Variants in CNTN5 observed in about 807,000 individuals in gnomAD.
CNTN5 encodes contactin-5.
Under a neutral mutation model 129.1 loss-of-function variants are expected in CNTN5, and 77 were observed. The observed-to-expected ratio is 0.60, with a 90% confidence interval of 0.50 to 0.72. CNTN5 has a LOEUF of 0.72. Among genes scored for constraint, CNTN5 ranks in the 30% least tolerant of loss-of-function variants. The probability of loss-of-function intolerance (pLI) is 0.00; values close to 1 mark genes in which losing one functional copy is unlikely to be tolerated. For synonymous variants in CNTN5, 509 were observed against 465.6 expected (o/e 1.09, Z -1.20); for missense variants, 1,478 against 1,328.8 (o/e 1.11, Z -1.75).
chr11:100,201,320 T>A (rs1412767533), intron 15 of CNTN5, among the ~76,000 whole-genome samples: 1 of 151,608 alleles, frequency 6.6e-6, no homozygotes, highest in African/African-American at 2.4e-5. Flanking sequence ...CCCTTTCCAA[T>A]CTGACAGAAA....
chr11:99,473,819 T>C (rs182277568), intron 2 of CNTN5, among the ~76,000 whole-genome samples: 1 of 152,056 alleles, frequency 6.6e-6, no homozygotes, highest in Admixed American at 6.6e-5. Context: ...ATATAATATA[T>C]ATGAAACTGC....
At chr11:99,956,439 A>G (rs2136168909) in intron 7 of CNTN5, among the ~76,000 whole-genome samples, 1 of 152,228 alleles carries the variant, frequency 6.6e-6, no homozygotes, top group South Asian at 2.1e-4. Flanking sequence ...TTCTTATTCT[A>G]CATTGTTTCA....
At position 99,561,864 on chromosome 11, in the gene CNTN5, A is replaced by T. The variant is rs529491623; in HGVS notation, c.55+5595A>T. Among the ~76,000 whole-genome samples, 4 of 152,268 alleles carry T rather than the reference A, an allele frequency of 2.6e-5. No individual in the cohort carries two copies. The South Asian group carries it at 8.3e-4, about 32-fold the overall frequency. ...AAGAGAAAAAGAGCATTACATAAAT[A>T]CTAAGGAAATGTCAGTCAAGTATGT... On this transcript the variant is annotated intron_variant, in intron 3 of 24. Coordinates refer to ENST00000524871, the MANE Select transcript of CNTN5 (RefSeq NM_014361.4).
At chr11:99,925,704 T>G (rs1430547801) in intron 7 of CNTN5, among the ~76,000 whole-genome samples, 1 of 152,040 alleles carries the variant, frequency 6.6e-6, no homozygotes, top group East Asian at 1.9e-4. Flanking sequence ...AAAGAGATAA[T>G]TTTTGTTTTG....
chr11:100,070,989 G>GT (rs138334316), intron 11 of CNTN5, among the ~76,000 whole-genome samples: 6,588 of 146,984 alleles, frequency 0.045, 163 homozygotes, highest in African/African-American at 0.072. Flanking sequence ...CCAACTAAGA[G>GT]TTTTTTTTTT....
intron 3 of CNTN5, among the ~76,000 whole-genome samples, chr11:99,673,985 G>C (rs1188446747): frequency 1.3e-5 from 2 of 152,142 alleles, no homozygotes; most frequent in East Asian, 3.8e-4. Context: ...TAATGGGCTT[G>C]CTGGGTCAAA....
chr11:99,623,060 T>C (rs1387501892), intron 3 of CNTN5, among the ~76,000 whole-genome samples: 2 of 152,158 alleles, frequency 1.3e-5, no homozygotes, highest in Non-Finnish European at 2.9e-5. Context: ...AGCAGTACAT[T>C]GTTCATTTTT....
intron 2 of CNTN5, among the ~76,000 whole-genome samples, chr11:99,366,478 G>A (rs1229426430): frequency 2.0e-5 from 3 of 152,138 alleles, no homozygotes; most frequent in East Asian, 3.8e-4. Flanking sequence ...GACTGGGGAA[G>A]GAAGGTCTCC....
At chr11:99,741,256 A>C (rs1943880263) in intron 3 of CNTN5, among the ~76,000 whole-genome samples, 1 of 152,300 alleles carries the variant, frequency 6.6e-6, no homozygotes, top group East Asian at 1.9e-4. Flanking sequence ...ATTAATTTCA[A>C]TATTTTGGAA....
chr11:99,319,159 A>G (rs1035205606), intron 1 of CNTN5, among the ~76,000 whole-genome samples: 1 of 152,210 alleles, frequency 6.6e-6, no homozygotes, highest in Non-Finnish European at 1.5e-5. Flanking sequence ...GGGTTAATAT[A>G]TTCGGAAGGA....
intron 13 of CNTN5, among the ~76,000 whole-genome samples, chr11:100,177,421 G>C (rs1948000670): frequency 6.6e-6 from 1 of 152,062 alleles, no homozygotes; most frequent in Non-Finnish European, 1.5e-5. Context: ...CTGAGGGTAG[G>C]AACTGGGTCA....
intron 3 of CNTN5, among the ~76,000 whole-genome samples, chr11:99,786,521 A>T (rs1945529902): frequency 6.6e-6 from 1 of 152,216 alleles, no homozygotes; most frequent in Non-Finnish European, 1.5e-5. Flanking sequence ...TTTCATATGG[A>T]ACCAAGAAAG....
intron 7 of CNTN5, among the ~76,000 whole-genome samples, chr11:99,932,609 T>C (rs1950218356): frequency 6.6e-6 from 1 of 152,222 alleles, no homozygotes; most frequent in East Asian, 1.9e-4. Context: ...AATGTGACTT[T>C]GGGGAAGAAA....
chr11:99,753,119 CT>C (rs375324214), intron 3 of CNTN5, among the ~76,000 whole-genome samples: 3,490 of 92,880 alleles, frequency 0.038, 23 homozygotes, highest in East Asian at 0.1. Context: ...GCCATATTTG[CT>C]TTTTTTTTTT....
intron 16 of CNTN5, among the ~76,000 whole-genome samples, chr11:100,231,513 T>C (rs1273996738): frequency 6.6e-6 from 1 of 152,186 alleles, no homozygotes; most frequent in African/African-American, 2.4e-5. Flanking sequence ...GGACACCGTA[T>C]ACTCTAGTTA....
chr11:99,818,148 A>G (rs1347205940), intron 3 of CNTN5, among the ~76,000 whole-genome samples: 1 of 152,230 alleles, frequency 6.6e-6, no homozygotes, highest in Non-Finnish European at 1.5e-5. Context: ...TAATTATTCT[A>G]AATAATTTTA....
At chr11:99,874,647 TCTG>T (rs1406066322) in intron 6 of CNTN5, among the ~76,000 whole-genome samples, 3 of 152,194 alleles carry the variant, frequency 2.0e-5, no homozygotes, top group Admixed American at 2.0e-4. Flanking sequence ...ATCTTCGTAA[TCTG>T]CTATTAAACT....
intron 1 of CNTN5, among the ~76,000 whole-genome samples, chr11:99,257,382 C>A (rs2135812071): frequency 6.6e-6 from 1 of 152,140 alleles, no homozygotes; most frequent in Middle Eastern, 3.4e-3. Context: ...GACATGTCTA[C>A]AAACTGTTTT....
At position 99,784,113 on chromosome 11, in the gene CNTN5, T is replaced by G. The variant is rs538545569; in HGVS notation, c.56-35431T>G. 3.9e-5 allele frequency among the ~76,000 whole-genome samples: 6 copies of G among 152,236 alleles called. No individual in the cohort carries two copies. The South Asian group carries it at 1.2e-3, about 32-fold the overall frequency. ...GATTTCAGAAGATGAACAAAATCCC[T>G]GAAAGTCATCAGTCAACCCAGGTTC... On this transcript the variant is annotated intron_variant, in intron 3 of 24. Transcript: ENST00000524871.
Sources: allele counts gnomAD v4.1 joint callset (sites outside exome capture counted in the v4.1 genomes callset), GRCh38; gene constraint gnomAD v4.1.1; transcripts MANE v1.5; gene names NCBI Gene and HGNC (gene_info 2026-07-23, HGNC 2026-07-21).